The following CSGALNACT1 variants were observed in gnomAD, a reference collection of about 807,000 sequenced individuals.
CSGALNACT1 encodes beta4GalNAcT-1.
A neutral mutation model predicts 51.0 loss-of-function variants in CSGALNACT1; 52 were observed. That is an observed-to-expected ratio of 1.02 (90% CI 0.82 to 1.29). The LOEUF (loss-of-function observed/expected upper bound fraction) is 1.29, where lower values mean the gene tolerates loss of function less well. Ranked by LOEUF, CSGALNACT1 falls within the 50% of genes most tolerant of loss-of-function variation. The pLI is 0.00. For synonymous variants in CSGALNACT1, 341 were observed against 254.4 expected, an observed-to-expected ratio of 1.34 and a Z score of -3.24; for missense variants, 935 against 679.2, an observed-to-expected ratio of 1.38 and a Z score of -4.19.
intron 1 of CSGALNACT1, among the ~76,000 whole-genome samples, chr8:19,728,454 A>C (rs1416439010): frequency 6.6e-6 from 1 of 152,222 alleles, no homozygotes; most frequent in Non-Finnish European, 1.5e-5. Flanking sequence ...GAGAAGCTCA[A>C]AGAAATGCTT....
intron 1 of CSGALNACT1, among the ~76,000 whole-genome samples, chr8:19,754,809 G>T (rs772062995): frequency 2.6e-5 from 4 of 152,200 alleles, no homozygotes; most frequent in Non-Finnish European, 5.9e-5. Context: ...ACACTATGCT[G>T]AAGAGGTCCC....
intron 1 of CSGALNACT1, among the ~76,000 whole-genome samples, chr8:19,677,980 G>A (rs67745124): frequency 0.35 from 53,510 of 151,858 alleles, 10,120 homozygotes; most frequent in Middle Eastern, 0.48. Flanking sequence ...GCTGGATGTG[G>A]TGGTGGGCAC....
chr8:19,459,921 T>C (rs997590470), intron 4 of CSGALNACT1, among the ~76,000 whole-genome samples: 4 of 152,168 alleles, frequency 2.6e-5, no homozygotes, highest in Non-Finnish European at 4.4e-5. Flanking sequence ...CCACAGAGTG[T>C]CACTTGTCAG....
At chr8:19,556,025 T>C (rs1399201256) in intron 3 of CSGALNACT1, among the ~76,000 whole-genome samples, 1 of 152,098 alleles carries the variant, frequency 6.6e-6, no homozygotes, top group Non-Finnish European at 1.5e-5. Flanking sequence ...ATAAGAACGA[T>C]AACACTGAAA....
chr8:19,640,583 T>C (rs191412000), intron 1 of CSGALNACT1, among the ~76,000 whole-genome samples: 187 of 152,266 alleles, frequency 1.2e-3, no homozygotes, highest in African/African-American at 4.4e-3. Context: ...CATAAGAAAA[T>C]AACAACATTA....
intron 1 of CSGALNACT1, among the ~76,000 whole-genome samples, chr8:19,652,678 C>G (rs556053888): frequency 6.6e-5 from 10 of 152,326 alleles, no homozygotes; most frequent in African/African-American, 2.4e-4. Flanking sequence ...CTTTGGGAAA[C>G]AGCAATCTGT....
chr8:19,717,395 A>G (rs546235795), intron 1 of CSGALNACT1, among the ~76,000 whole-genome samples: 2 of 152,374 alleles, frequency 1.3e-5, no homozygotes, highest in East Asian at 3.9e-4. Flanking sequence ...GTACAGACAC[A>G]TAACATAGCC....
intron 3 of CSGALNACT1, among the ~76,000 whole-genome samples, chr8:19,525,645 A>AAAAAG (rs2081526039): frequency 6.7e-6 from 1 of 150,100 alleles, no homozygotes; most frequent in Non-Finnish European, 1.5e-5. Context: ...AAAAAAAAAA[A>AAAAAG]AAAAGTAGAG....
intron 3 of CSGALNACT1, among the ~76,000 whole-genome samples, chr8:19,536,730 G>A (rs1210582025): frequency 6.6e-6 from 1 of 152,128 alleles, no homozygotes; most frequent in East Asian, 1.9e-4. Context: ...AAATGAAGTG[G>A]GAGAAATCAG....
chr8:19,516,506 T>C (rs1308687397), intron 3 of CSGALNACT1, among the ~76,000 whole-genome samples: 1 of 152,196 alleles, frequency 6.6e-6, no homozygotes, highest in Non-Finnish European at 1.5e-5. Flanking sequence ...CATGAATCAC[T>C]GCTTCTCTAG....
chr8:19,547,581 C>T (rs1048296348), intron 3 of CSGALNACT1, among the ~76,000 whole-genome samples: 2 of 152,168 alleles, frequency 1.3e-5, no homozygotes, highest in African/African-American at 4.8e-5. Flanking sequence ...TTTAGCTTTT[C>T]ACCATGATTG....
At chr8:19,583,509 TA>T (rs1284257823) in intron 3 of CSGALNACT1, among the ~76,000 whole-genome samples, 7 of 152,192 alleles carry the variant, frequency 4.6e-5, no homozygotes, top group Non-Finnish European at 8.8e-5. Flanking sequence ...CTTCTGGCAT[TA>T]AAAGTACAGT....
intron 1 of CSGALNACT1, among the ~76,000 whole-genome samples, chr8:19,751,395 C>T (rs1028855379): frequency 1.3e-5 from 2 of 152,128 alleles, no homozygotes; most frequent in South Asian, 2.1e-4. Flanking sequence ...CAGTGTTAAC[C>T]GTTTTTATCA....
At chr8:19,691,864 C>G (rs2061341684) in intron 1 of CSGALNACT1, among the ~76,000 whole-genome samples, 1 of 151,938 alleles carries the variant, frequency 6.6e-6, no homozygotes, top group South Asian at 2.1e-4. Flanking sequence ...ATCTCCAGCC[C>G]CCACCCAGAC....
intron 1 of CSGALNACT1, among the ~76,000 whole-genome samples, chr8:19,692,437 T>C (rs556122104): frequency 1.1e-4 from 17 of 152,302 alleles, no homozygotes; most frequent in African/African-American, 4.1e-4. Context: ...AACACAATGT[T>C]CTACCTGGTG....
intron 3 of CSGALNACT1, among the ~76,000 whole-genome samples, chr8:19,516,620 G>A (rs1335608788): frequency 1.3e-5 from 2 of 152,222 alleles, no homozygotes; most frequent in East Asian, 1.9e-4. Context: ...ATCCCGGTGT[G>A]AGCCTTGCTC....
chr8:19,702,576 C>T (rs2061940296), intron 1 of CSGALNACT1, among the ~76,000 whole-genome samples: 1 of 152,064 alleles, frequency 6.6e-6, no homozygotes, highest in Admixed American at 6.6e-5. Context: ...AGCCCTTTCC[C>T]ACCTTTCCAG....
At chr8:19,626,402 T>G (rs1380789270) in intron 1 of CSGALNACT1, among the ~76,000 whole-genome samples, 2 of 152,158 alleles carry the variant, frequency 1.3e-5, no homozygotes, top group African/African-American at 4.8e-5. Flanking sequence ...AAAAAAAAAT[T>G]TACAATCTAA....
intron 3 of CSGALNACT1, among the ~76,000 whole-genome samples, chr8:19,527,676 A>G (rs1484626527): frequency 2.0e-5 from 3 of 152,198 alleles, no homozygotes; most frequent in African/African-American, 4.8e-5. Context: ...TGGAAGCGAC[A>G]TTACGCATGA....
Sources: allele counts gnomAD v4.1 joint callset (sites outside exome capture counted in the v4.1 genomes callset), GRCh38; gene constraint gnomAD v4.1.1; transcripts MANE v1.5; gene names NCBI Gene and HGNC (gene_info 2026-07-23, HGNC 2026-07-21).